Variants in LAMB4 observed in about 807,000 individuals in gnomAD.
LAMB4 encodes the protein laminin subunit beta 4, also known as laminin subunit beta-4.
A neutral mutation model predicts 199.2 loss-of-function variants in LAMB4; 196 were observed. That is an observed-to-expected ratio of 0.98 (90% CI 0.88 to 1.11). The LOEUF is 1.11. Ranked by LOEUF, LAMB4 falls within the 50% of genes least tolerant of loss-of-function variation. The pLI, the probability that LAMB4 is intolerant of heterozygous loss-of-function variation, is 0.00. For synonymous variants in LAMB4, 744 were observed against 770.6 expected (o/e 0.97, Z 0.57); for missense variants, 2,080 against 2,171.2 (o/e 0.96, Z 0.83).
At chr7:108,128,110 G>A (rs73410383) in intron 1 of LAMB4, among the ~76,000 whole-genome samples, 7 of 152,224 alleles carry the variant, frequency 4.6e-5, no homozygotes, top group African/African-American at 1.4e-4. Flanking sequence ...TGTAAACAAA[G>A]GTTGCCAGGT....
At chr7:108,040,525 G>A (rs918485418) in intron 29 of LAMB4, among the ~76,000 whole-genome samples, 8 of 152,176 alleles carry the variant, frequency 5.3e-5, no homozygotes, top group Non-Finnish European at 8.8e-5. Context: ...CAGGGCTACA[G>A]TAACCAAAAC....
intron 5 of LAMB4, among the ~76,000 whole-genome samples, chr7:108,108,889 A>G (rs555482898): frequency 6.6e-6 from 1 of 152,166 alleles, no homozygotes; most frequent in South Asian, 2.1e-4. Context: ...TCTCCCAAAA[A>G]TTATCTTTAT....
chr7:108,068,049 C>T lies in LAMB4; in HGVS notation c.2413G>A (p.Gly805Arg). The change falls in exon 19 of 34, where the codon GGA becomes AGA. Residue 805 changes from glycine (G) to arginine (R), a missense_variant. Coordinates refer to ENST00000388781, the MANE Select transcript of LAMB4 (RefSeq NM_007356.3). Reference sequence around the variant, plus strand: ...CCGTGATGCCCCAAATCATAGCTTCCAGTTGAGCACCTGTCACAGCAGCGC... The same window carrying T: ...CCGTGATGCCCCAAATCATAGCTTCTAGTTGAGCACCTGTCACAGCAGCGC... Reference protein sequence around the residue: ...VGRCCDRCSTGSYDLGHHGCH... With the variant: ...VGRCCDRCSTRSYDLGHHGCH... 1 of 1,614,140 alleles carries T rather than the reference C, an allele frequency of 6.2e-7. No individual in the cohort carries two copies. The highest frequency in any genetic ancestry group is 8.5e-7 in the Non-Finnish European group (1 of 1,180,014).
chr7:108,059,394 C>T (rs370895475), intron 23 of LAMB4, among the ~76,000 whole-genome samples: 4 of 152,042 alleles, frequency 2.6e-5, no homozygotes, highest in African/African-American at 9.7e-5. Context: ...CCTTACAGTC[C>T]TTCTCCCAAC....
chr7:108,104,503 G>A lies in LAMB4; in HGVS notation c.987C>T (p.Cys329=), dbSNP rs764781569. The change falls in exon 9 of 34, where the codon TGC becomes TGT. Residue 329 remains cysteine (C), a synonymous_variant. Transcript: ENST00000388781. ...AGGGAACTGAGTTTCACCCACATCTGCAAGCGTTGTCCTGGAGGTCTGCAG... is the reference window on the plus strand; with the variant it reads ...AGGGAACTGAGTTTCACCCACATCTACAAGCGTTGTCCTGGAGGTCTGCAG... ...RPAADLQDNA[C]RSCSCNSHSS... is the part of the protein sequence containing the mutation. 1.2e-6 allele frequency: 2 copies of A among 1,614,116 alleles called. No homozygotes were observed. The highest frequency in any genetic ancestry group is 2.2e-5 in the South Asian group (2 of 91,084).
chr7:108,068,000 G>C lies in LAMB4; in HGVS notation c.2446+16C>G. Reference sequence around the variant, plus strand: ...ACTGTGAGCAAGTGTTTCCCCTTGTGTGTTTTGCTACGTACGGTGACAGCC... The same window carrying C: ...ACTGTGAGCAAGTGTTTCCCCTTGTCTGTTTTGCTACGTACGGTGACAGCC... On this transcript the variant is annotated intron_variant, in intron 19 of 33. Coordinates refer to ENST00000388781, the MANE Select transcript of LAMB4 (RefSeq NM_007356.3). 1 of 1,614,174 alleles carries C rather than the reference G, an allele frequency of 6.2e-7. No individual in the cohort carries two copies. The highest frequency in any genetic ancestry group is 8.5e-7 in the Non-Finnish European group (1 of 1,180,002).
intron 16 of LAMB4, among the ~76,000 whole-genome samples, 177 bp from the exon 17 acceptor site, chr7:108,077,241 T>A (rs745450639): frequency 2.0e-5 from 3 of 152,166 alleles, no homozygotes; most frequent in Non-Finnish European, 4.4e-5. Context: ...AAAGTCACAT[T>A]CAGATCCTCT....
At chr7:108,065,954 CA>C (rs750702767) in intron 20 of LAMB4, 35 bp from the exon 21 acceptor site, 94 of 1,595,934 alleles carry the variant, frequency 5.9e-5, no homozygotes, top group Non-Finnish European at 7.1e-5. Flanking sequence ...AAAATGTTTC[CA>C]GGAAAAGATC....
At chr7:108,053,474 A>G (rs2035888454) in intron 25 of LAMB4, among the ~76,000 whole-genome samples, 1 of 152,208 alleles carries the variant, frequency 6.6e-6, no homozygotes, top group Admixed American at 6.5e-5. Context: ...GGCAATGGCA[A>G]AGGAGCATAA....
intron 10 of LAMB4, among the ~76,000 whole-genome samples, chr7:108,100,679 T>C (rs983654390): frequency 6.6e-6 from 1 of 152,220 alleles, no homozygotes; most frequent in Non-Finnish European, 1.5e-5. Flanking sequence ...CCAAATCTCT[T>C]TCCAGATTCC....
intron 33 of LAMB4, among the ~76,000 whole-genome samples, chr7:108,028,085 G>T (rs937314256): frequency 6.6e-6 from 1 of 151,782 alleles, no homozygotes; most frequent in Non-Finnish European, 1.5e-5. Flanking sequence ...CGCCTGGCCG[G>T]TATTCCATGT....
Position 108,098,526 on chromosome 7 carries a change from C to T in LAMB4, c.1237G>A (p.Asp413Asn), listed in dbSNP as rs757007304. 6.2e-7 allele frequency: 1 copy of T among 1,613,568 alleles called. No individual in the cohort carries two copies. The highest frequency in any genetic ancestry group is 1.1e-5 in the South Asian group (1 of 91,014). ...ISGGICVSHSDPALGSVAGQC... is the reference protein window; with the variant it reads ...ISGGICVSHSNPALGSVAGQC... ...CCGGCCACAGACCCTAAGGCAGGATCAGAGTGGCTCACACAAATGCCACCA... is the reference window on the plus strand; with the variant it reads ...CCGGCCACAGACCCTAAGGCAGGATTAGAGTGGCTCACACAAATGCCACCA... Residue 413 changes from aspartate (D) to asparagine (N), a missense_variant, in exon 11 of 34, where the codon GAT becomes AAT. Transcript: ENST00000388781.
At chr7:108,044,910 A>G (rs1198473222) in intron 28 of LAMB4, among the ~76,000 whole-genome samples, 1 of 142,872 alleles carries the variant, frequency 7.0e-6, no homozygotes, top group Non-Finnish European at 1.5e-5. Context: ...CTGAGATCGC[A>G]CCATTACACT....
At chr7:108,019,006 C>T (rs2034637515), downstream of LAMB4, among the ~76,000 whole-genome samples, 1 of 152,140 alleles carries the variant, frequency 6.6e-6, no homozygotes, top group Admixed American at 6.5e-5. Flanking sequence ...ATGGGGATAG[C>T]CGGCTCTCCA....
intron 3 of LAMB4, among the ~76,000 whole-genome samples, chr7:108,114,356 C>T (rs2038338082): frequency 6.6e-6 from 1 of 152,070 alleles, no homozygotes; most frequent in South Asian, 2.1e-4. Flanking sequence ...GGAAGATCAC[C>T]TGAGCCTGGG....
chr7:108,085,520 T>C (rs1398961768), intron 14 of LAMB4, among the ~76,000 whole-genome samples: 1 of 152,196 alleles, frequency 6.6e-6, no homozygotes, highest in Non-Finnish European at 1.5e-5. Context: ...TGAAAGAAAG[T>C]ATAAAGCTTT....
At chr7:108,069,036 T>G (rs774638212) in intron 18 of LAMB4, among the ~76,000 whole-genome samples, 20 of 152,248 alleles carry the variant, frequency 1.3e-4, no homozygotes, top group Admixed American at 5.2e-4. Context: ...CATGACATGG[T>G]GGGTACCCTG....
At chr7:108,011,906 A>C in the LAMB4 span, among the ~76,000 whole-genome samples, 4 of 151,830 alleles carry the variant, frequency 2.6e-5, no homozygotes, top group South Asian at 8.3e-4. Flanking sequence ...CATATGAATA[A>C]AGTTCTAGAA....
chr7:108,115,664 T>C (rs1190212536), intron 3 of LAMB4, among the ~76,000 whole-genome samples: 1 of 152,182 alleles, frequency 6.6e-6, no homozygotes, highest in African/African-American at 2.4e-5. Flanking sequence ...AGAACACATT[T>C]TAAGATGTAG....
Sources: allele counts gnomAD v4.1 joint callset (sites outside exome capture counted in the v4.1 genomes callset), GRCh38; gene constraint gnomAD v4.1.1; transcripts MANE v1.5; gene names NCBI Gene and HGNC (gene_info 2026-07-23, HGNC 2026-07-21).